Variants in NRXN3 observed in about 807,000 individuals in gnomAD.
NRXN3 encodes the protein neurexin 3.
A neutral mutation model predicts 137.6 loss-of-function variants in NRXN3; 32 were observed. The observed-to-expected ratio is 0.23, with a 90% CI of 0.18 to 0.31. The LOEUF (loss-of-function observed/expected upper bound fraction) is 0.31. Ranked by LOEUF, NRXN3 falls within the 10% of genes least tolerant of loss-of-function variation. NRXN3 has a pLI of 1.00. For synonymous variants in NRXN3, 798 were observed against 784.5 expected (o/e 1.02, Z -0.29); for missense variants, 1,574 against 2,062.5 (o/e 0.76, Z 4.59).
chr14:79,340,907 T>A (rs2092575784), intron 15 of NRXN3, among the ~76,000 whole-genome samples: 1 of 152,214 alleles, frequency 6.6e-6, no homozygotes, highest in Non-Finnish European at 1.5e-5. Context: ...GCCTCTTTCT[T>A]TTAGTATTTT....
At chr14:79,073,041 C>T (rs1352737802) in intron 15 of NRXN3, among the ~76,000 whole-genome samples, 1 of 152,114 alleles carries the variant, frequency 6.6e-6, no homozygotes. Context: ...TGCCCACCAC[C>T]ACGCCTGGCT....
chr14:79,116,638 A>T (rs1351242922), intron 15 of NRXN3, among the ~76,000 whole-genome samples: 1 of 152,198 alleles, frequency 6.6e-6, no homozygotes, highest in Non-Finnish European at 1.5e-5. Flanking sequence ...GGACTAATCC[A>T]TACTTATTTA....
chr14:78,570,125 GC>G, intron 4 of NRXN3, among the ~76,000 whole-genome samples: 1 of 152,330 alleles, frequency 6.6e-6, no homozygotes, highest in South Asian at 2.1e-4. Context: ...ACATGTGGAA[GC>G]CCTAACTGCC....
At chr14:79,628,439 C>T (rs2098306689) in intron 16 of NRXN3, among the ~76,000 whole-genome samples, 2 of 152,166 alleles carry the variant, frequency 1.3e-5, no homozygotes, top group Admixed American at 6.5e-5. Flanking sequence ...TAGGTGACAT[C>T]TGTATTCAAC....
chr14:78,405,406 A>G (rs1459399750), intron 4 of NRXN3, among the ~76,000 whole-genome samples: 2 of 152,162 alleles, frequency 1.3e-5, no homozygotes, highest in South Asian at 4.1e-4. Flanking sequence ...TCTTTCCCCT[A>G]TTTGAAACTG....
At chr14:79,822,096 G>A (rs905495190) in intron 20 of NRXN3, among the ~76,000 whole-genome samples, 2 of 152,102 alleles carry the variant, frequency 1.3e-5, no homozygotes, top group African/African-American at 2.4e-5. Context: ...GTCACAAAGG[G>A]AACTAAGAGA....
intron 10 of NRXN3, among the ~76,000 whole-genome samples, chr14:78,822,531 C>T (rs776198873): frequency 4.2e-4 from 64 of 151,676 alleles, no homozygotes; most frequent in Non-Finnish European, 5.4e-4. Flanking sequence ...AAAAATTACC[C>T]GGGCATGGCT....
At chr14:79,098,072 G>A (rs1242438648) in intron 15 of NRXN3, among the ~76,000 whole-genome samples, 1 of 152,102 alleles carries the variant, frequency 6.6e-6, no homozygotes, top group Admixed American at 6.6e-5. Context: ...AAGCAAAGTG[G>A]AATAACAAGC....
intron 16 of NRXN3, among the ~76,000 whole-genome samples, chr14:79,614,683 C>T (rs1030072948): frequency 1.3e-5 from 2 of 151,990 alleles, no homozygotes; most frequent in Non-Finnish European, 2.9e-5. Flanking sequence ...AGCCTAATTG[C>T]TTCTCCTGTG....
intron 15 of NRXN3, among the ~76,000 whole-genome samples, chr14:79,263,750 A>G (rs2078002245): frequency 6.6e-6 from 1 of 152,250 alleles, no homozygotes; most frequent in African/African-American, 2.4e-5. Context: ...ATGCATACCC[A>G]AAGTAAATTG....
chr14:78,432,965 C>T (rs2093943685), intron 4 of NRXN3, among the ~76,000 whole-genome samples: 1 of 152,200 alleles, frequency 6.6e-6, no homozygotes, highest in African/African-American at 2.4e-5. Flanking sequence ...TTACCTCAAA[C>T]TTAGTGGCTT....
At chr14:79,649,468 GC>G (rs1370212888) in intron 16 of NRXN3, among the ~76,000 whole-genome samples, 2 of 152,088 alleles carry the variant, frequency 1.3e-5, no homozygotes, top group East Asian at 1.9e-4. Flanking sequence ...ATGAAATTTT[GC>G]CATTATCAAG....
chr14:79,251,166 A>G (rs1395090825), intron 15 of NRXN3, among the ~76,000 whole-genome samples: 1 of 152,176 alleles, frequency 6.6e-6, no homozygotes, highest in Non-Finnish European at 1.5e-5. Flanking sequence ...TTTTGTGCAA[A>G]GCAGTGAAAT....
intron 9 of NRXN3, among the ~76,000 whole-genome samples, chr14:78,810,023 GA>G (rs5809907): frequency 0.81 from 119,986 of 147,704 alleles, 50,094 homozygotes; most frequent in Non-Finnish European, 0.92. Flanking sequence ...AGCTTTTTTT[GA>G]AAAAAAAAAA....
At chr14:78,910,541 C>T (rs1334180526) in intron 10 of NRXN3, among the ~76,000 whole-genome samples, 3 of 152,042 alleles carry the variant, frequency 2.0e-5, no homozygotes, top group Admixed American at 2.0e-4. Flanking sequence ...CCAAGATAGT[C>T]ACAGGGCTGG....
At chr14:78,571,752 C>A (rs118144214) in intron 4 of NRXN3, among the ~76,000 whole-genome samples, 5 of 152,126 alleles carry the variant, frequency 3.3e-5, no homozygotes, top group Admixed American at 1.3e-4. Flanking sequence ...TTGAAATTCC[C>A]CAAGGACCAA....
At chr14:79,057,334 C>T (rs916862852) in intron 15 of NRXN3, among the ~76,000 whole-genome samples, 14 of 152,214 alleles carry the variant, frequency 9.2e-5, no homozygotes, top group Middle Eastern at 6.8e-3. Flanking sequence ...GGATATGTTT[C>T]GATATCAGAA....
At chr14:79,012,475 T>G (rs2099572870) in intron 15 of NRXN3, among the ~76,000 whole-genome samples, 1 of 152,168 alleles carries the variant, frequency 6.6e-6, no homozygotes, top group Admixed American at 6.5e-5. Flanking sequence ...AGCATAATAA[T>G]GCATATGTGG....
chr14:79,367,762 A>G (rs926187835), intron 15 of NRXN3, among the ~76,000 whole-genome samples: 5 of 152,198 alleles, frequency 3.3e-5, no homozygotes, highest in African/African-American at 1.2e-4. Context: ...CACCAAGATC[A>G]TTGAGCTAGT....
Sources: allele counts gnomAD v4.1 joint callset (sites outside exome capture counted in the v4.1 genomes callset), GRCh38; gene constraint gnomAD v4.1.1; transcripts MANE v1.5; gene names NCBI Gene and HGNC (gene_info 2026-07-23, HGNC 2026-07-21).